The following ASCL4 variants were observed in gnomAD, a reference collection of about 807,000 sequenced individuals.
ASCL4 encodes the protein achaete-scute family bHLH transcription factor 4.
Under a neutral mutation model 0.3 loss-of-function variants are expected in ASCL4, and 1 was observed. The observed-to-expected ratio is 3.35, with a 90% CI of 1.19 to 15.89. ASCL4 has a LOEUF of 15.89. ASCL4 is among the 30% of genes most tolerant of loss of function. ASCL4 has a pLI of 0.12. For synonymous variants in ASCL4, 137 were observed against 119.5 expected (o/e 1.15, Z -0.96); for missense variants, 330 against 256.9 (o/e 1.28, Z -1.94).
chr12:107,775,296 C>A lies in ASCL4; in HGVS notation c.78C>A (p.Thr26=), dbSNP rs746224161. The change falls in exon 1 of 1, where the codon ACC becomes ACA. Residue 26 remains threonine (T), a synonymous_variant. Transcript: ENST00000342331. ...LRTAPLGVPG[T]LPGLPRRDPL... is the part of the protein sequence containing the mutation. ...CCGCGCCCCTGGGCGTTCCGGGGAC[C>A]CTGCCCGGACTCCCGCGGAGGGACC... The A allele has an allele frequency of 6.2e-7, 1 of 1,611,932 alleles. No homozygotes were observed. Among genetic ancestry groups the A allele is most frequent in the Non-Finnish European group, 8.5e-7 (1 of 1,179,048 alleles).
In ASCL4 at chr12:107,775,456, C is replaced by T; in HGVS notation, c.238C>T (p.Arg80Cys). The T allele has an allele frequency of 6.4e-7, 1 of 1,565,678 alleles. No homozygotes were observed. Among genetic ancestry groups the T allele is most frequent in the Non-Finnish European group, 8.6e-7 (1 of 1,163,836 alleles). The change falls in exon 1 of 1, where the codon CGC (arginine) becomes TGC (cysteine). Residue 80 changes from arginine (R) to cysteine (C), a missense_variant. By Grantham distance (180) the Arg-to-Cys change is radical. Transcript: ENST00000342331. Reference protein sequence around the residue: ...EPAFLRKRNERERQRVRCVNE... With the variant: ...EPAFLRKRNECERQRVRCVNE... ...CGCCTTCCTCCGCAAGCGCAACGAG[C>T]GCGAGCGGCAGCGGGTGCGCTGCGT...
rs1295076661 is a variant in ASCL4 at position 107,774,826 on chromosome 12, T to C, written c.-393T>C. 3 of 187,556 alleles carry C rather than the reference T, an allele frequency of 1.6e-5. No individual in the cohort carries two copies. The highest frequency in any genetic ancestry group is 3.3e-5 in the Non-Finnish European group (3 of 91,688). The allele number at this position is 187,556 out of a possible 1,614,324, so 11.6% of individuals were successfully genotyped here. On this transcript the variant is annotated 5_prime_UTR_variant, in exon 1 of 1. Transcript: ENST00000342331. ...GACCTAGAGTGGTGGATTACAGGCA[T>C]TGAAAAGCTTTTGGTGGCTTTGGAA...
In ASCL4 at chr12:107,775,086, C is replaced by T. The variant is rs1891435515; in HGVS notation, c.-133C>T. The T allele has an allele frequency of 1.6e-6, 2 of 1,224,552 alleles. No individual in the cohort carries two copies. The highest frequency in any genetic ancestry group is 2.3e-6 in the Non-Finnish European group (2 of 875,948). 75.9% of individuals were successfully genotyped at this position (1,224,552 alleles called of 1,614,324 possible). On this transcript the variant is annotated 5_prime_UTR_variant, in exon 1 of 1. Coordinates refer to ENST00000342331, the MANE Select transcript of ASCL4 (RefSeq NM_203436.3). Reference sequence around the variant, plus strand: ...CTGTCCAGGAACCTAACTTCTGGACCCAGAAACTTCTGCAAAGACAGACCC... The same window carrying T: ...CTGTCCAGGAACCTAACTTCTGGACTCAGAAACTTCTGCAAAGACAGACCC...
chr12:107,775,729 G>T lies in ASCL4; in HGVS notation c.511G>T (p.Gly171Cys), dbSNP rs768267338. 1 of 1,440,062 alleles carries T rather than the reference G, an allele frequency of 6.9e-7. No homozygotes were observed. The highest frequency in any genetic ancestry group is 9.0e-7 in the Non-Finnish European group (1 of 1,106,050). The allele number at this position is 1,440,062 out of a possible 1,614,324, so 89.2% of individuals were successfully genotyped here. A position where few individuals can be genotyped will look rare whatever the true frequency, so the allele number is the denominator to read the frequency against. The change falls in exon 1 of 1, where the codon GGC becomes TGC. Residue 171 changes from glycine to cysteine, a missense_variant. By Grantham distance (159) the Gly-to-Cys change is radical. Coordinates refer to ENST00000342331, the MANE Select transcript of ASCL4 (RefSeq NM_203436.3). ...GCCCAGCAGCGAGCCCGAGGAGGGG[G>T]GCAGCTAGCGAGCGCCCGAACTGGC... ...PSPSSEPEEG[G>C]S
At position 107,775,699 on chromosome 12, in the gene ASCL4, C is replaced by T. The variant is rs1327024761; in HGVS notation, c.481C>T (p.Pro161Ser). The T allele has an allele frequency of 6.8e-7, 1 of 1,466,226 alleles. No homozygotes were observed. Among genetic ancestry groups the T allele is most frequent in the Non-Finnish European group, 8.9e-7 (1 of 1,119,016 alleles). 90.8% of individuals were successfully genotyped at this position (1,466,226 alleles called of 1,614,324 possible). ...CGGGGAGTCCAAGGCCTCTTCGGCG[C>T]CTTCGCCCAGCAGCGAGCCCGAGGA... ...SDGESKASSA[P>S]SPSSEPEEGG... The change falls in exon 1 of 1, where the codon CCT becomes TCT. Residue 161 changes from proline to serine, a missense_variant. Physicochemically the swap from Pro to Ser is moderately conservative, Grantham distance 74. Coordinates refer to ENST00000342331, the MANE Select transcript of ASCL4 (RefSeq NM_203436.3).
rs925288686 is a variant in ASCL4 at position 107,775,791 on chromosome 12, GC to G, written c.*55del. On this transcript the variant is annotated 3_prime_UTR_variant, in exon 1 of 1. Coordinates refer to ENST00000342331, the MANE Select transcript of ASCL4 (RefSeq NM_203436.3). ...CGCCCGCCGCACAGCGCGCAGCCGG[GC>G]GCTCAACCTAAGGTCCTCTTCGAAG... is the stretch of plus-strand genomic sequence containing the variant. 87 of 1,379,762 alleles carry G rather than the reference GC, an allele frequency of 6.3e-5. No homozygotes were observed. In the African/African-American group the frequency reaches 1.2e-3, roughly 19 times the overall value. The allele number at this position is 1,379,762 out of a possible 1,614,324, so 85.5% of individuals were successfully genotyped here.
Position 107,775,116 on chromosome 12 carries a change from A to G in ASCL4, c.-103A>G. Reference sequence around the variant, plus strand: ...AACTTCTGCAAAGACAGACCCACTGAGCCAGGCAGTCTGCACCAGCACCTC... The same window carrying G: ...AACTTCTGCAAAGACAGACCCACTGGGCCAGGCAGTCTGCACCAGCACCTC... On this transcript the variant is annotated 5_prime_UTR_variant, in exon 1 of 1. Coordinates refer to ENST00000342331, the MANE Select transcript of ASCL4 (RefSeq NM_203436.3). 2 of 1,471,292 alleles carry G rather than the reference A, an allele frequency of 1.4e-6. No homozygotes were observed. The allele number at this position is 1,471,292 out of a possible 1,614,324, so 91.1% of individuals were successfully genotyped here.
chr12:107,775,624 G>A lies in ASCL4; in HGVS notation c.406G>A (p.Glu136Lys), dbSNP rs777244439. The A allele has an allele frequency of 6.4e-7, 1 of 1,564,350 alleles. No individual in the cohort carries two copies. The highest frequency in any genetic ancestry group is 8.6e-7 in the Non-Finnish European group (1 of 1,164,394). The change falls in exon 1 of 1, where the codon GAG becomes AAG. Residue 136 changes from glutamate to lysine, a missense_variant. Transcript: ENST00000342331. ...ELLERQAWGLEGAAGAVPQRR... is the reference protein window; with the variant it reads ...ELLERQAWGLKGAAGAVPQRR... ...GCTGGAGCGCCAGGCCTGGGGGCTC[G>A]AGGGCGCGGCCGGCGCCGTCCCCCA...
Position 107,775,522 on chromosome 12 carries a change from G to C in ASCL4, c.304G>C (p.Glu102Gln). Residue 102 changes from glutamate to glutamine, a missense_variant, in exon 1 of 1, where the codon GAG becomes CAG. By Grantham distance (29) the Glu-to-Gln change is conservative. Coordinates refer to ENST00000342331, the MANE Select transcript of ASCL4 (RefSeq NM_203436.3). The part of the protein sequence containing the change: ...YARLRDHLPR[E>Q]LADKRLSKVE... ...GCGCCTCCGAGACCACCTGCCCCGG[G>C]AGCTGGCAGACAAGCGCCTCAGCAA... 1 of 1,572,818 alleles carries C rather than the reference G, an allele frequency of 6.4e-7. No homozygotes were observed. Among genetic ancestry groups the C allele is most frequent in the Non-Finnish European group, 8.6e-7 (1 of 1,167,896 alleles).
In ASCL4 at chr12:107,775,149, A is replaced by C; in HGVS notation, c.-70A>C. ...AGTCTGCACCAGCACCTCTGCTTCT[A>C]AGATTCTGTTTCGTCTTCTTCTATT... On this transcript the variant is annotated 5_prime_UTR_variant, in exon 1 of 1. Coordinates refer to ENST00000342331, the MANE Select transcript of ASCL4 (RefSeq NM_203436.3). 4.5e-6 allele frequency: 7 copies of C among 1,556,356 alleles called. No individual in the cohort carries two copies. The highest frequency in any genetic ancestry group is 6.1e-6 in the Non-Finnish European group (7 of 1,146,068).
rs1317730489 is a variant in ASCL4 at position 107,775,371 on chromosome 12, C to T, written c.153C>T (p.Arg51=). The change falls in exon 1 of 1, where the codon CGC becomes CGT. Residue 51 remains arginine, a synonymous_variant. Coordinates refer to ENST00000342331, the MANE Select transcript of ASCL4 (RefSeq NM_203436.3). ...ACGCCGCGTGCTGGGAGTGGGCGCG[C>T]AGCGGCTGCGCACGGGGATGGCAGT... ...RLDAACWEWA[R]SGCARGWQYL... The T allele has an allele frequency of 6.2e-7, 1 of 1,603,828 alleles. No individual in the cohort carries two copies. Among genetic ancestry groups the T allele is most frequent in the African/African-American group, 1.3e-5 (1 of 74,458 alleles).
At position 107,775,409 on chromosome 12, in the gene ASCL4, C is replaced by T; in HGVS notation, c.191C>T (p.Pro64Leu). The change falls in exon 1 of 1, where the codon CCG (proline) becomes CTG (leucine). Residue 64 changes from proline (P) to leucine (L), a missense_variant. By Grantham distance (98) the Pro-to-Leu change is moderately conservative (BLOSUM62 -3). Transcript: ENST00000342331. The stretch of plus-strand genomic sequence containing the variant: ...CGGGGATGGCAGTACTTGCCCGTGC[C>T]GCTGGACAGCGCCTTCGAGCCCGCC... ...CARGWQYLPV[P>L]LDSAFEPAFL... 6.3e-7 allele frequency: 1 copy of T among 1,583,960 alleles called. No homozygotes were observed. Among genetic ancestry groups the T allele is most frequent in the Non-Finnish European group, 8.5e-7 (1 of 1,169,676 alleles).
rs1565840217 is a variant in ASCL4 at position 107,775,342 on chromosome 12, C to G, written c.124C>G (p.Leu42Val). 1 of 1,608,904 alleles carries G rather than the reference C, an allele frequency of 6.2e-7. No individual in the cohort carries two copies. The highest frequency in any genetic ancestry group is 2.2e-5 in the East Asian group (1 of 44,654). Residue 42 changes from leucine to valine, a missense_variant, in exon 1 of 1, where the codon CTG (leucine) becomes GTG (valine). Coordinates refer to ENST00000342331, the MANE Select transcript of ASCL4 (RefSeq NM_203436.3). ...GGACCCCCTCAGGGTCGCCCTGCGT[C>G]TGGACGCCGCGTGCTGGGAGTGGGC... is the stretch of plus-strand genomic sequence containing the variant. The part of the protein sequence containing the change: ...RRDPLRVALR[L>V]DAACWEWARS...
Position 107,776,114 on chromosome 12 carries a change from A to G in ASCL4, c.*377A>G, listed in dbSNP as rs553101361. 2 of 196,560 alleles carry G rather than the reference A, an allele frequency of 1.0e-5. No individual in the cohort carries two copies. The highest frequency in any genetic ancestry group is 2.7e-4 in the East Asian group (2 of 7,400). 12.2% of individuals were successfully genotyped at this position (196,560 alleles called of 1,614,324 possible). ...CTTCCGTGGTGTGGGTAAATGGTAT[A>G]CATAAACATTAAACCTTAACCAAAG... is the stretch of plus-strand genomic sequence containing the variant. On this transcript the variant is annotated 3_prime_UTR_variant, in exon 1 of 1. Coordinates refer to ENST00000342331, the MANE Select transcript of ASCL4 (RefSeq NM_203436.3).
In ASCL4 at chr12:107,775,745, C is replaced by T. The variant is rs1343747312; in HGVS notation, c.*8C>T. 2 of 1,426,400 alleles carry T rather than the reference C, an allele frequency of 1.4e-6. No individual in the cohort carries two copies. The highest frequency in any genetic ancestry group is 1.5e-5 in the South Asian group (1 of 65,476). The allele number at this position is 1,426,400 out of a possible 1,614,324, so 88.4% of individuals were successfully genotyped here. ...GAGGAGGGGGGCAGCTAGCGAGCGC[C>T]CGAACTGGCCAGGACCCCCGCGCCC... On this transcript the variant is annotated 3_prime_UTR_variant, in exon 1 of 1. Transcript: ENST00000342331.
In ASCL4 at chr12:107,774,924, A is replaced by G; in HGVS notation, c.-295A>G. 1 of 429,508 alleles carries G rather than the reference A, an allele frequency of 2.3e-6. No homozygotes were observed. Among genetic ancestry groups the G allele is most frequent in the Non-Finnish European group, 4.1e-6 (1 of 243,578 alleles). 26.6% of individuals were successfully genotyped at this position (429,508 alleles called of 1,614,324 possible). ...AGGAACCCCCTTTGTTATCTTCTGAAAGAAGATCAGTGGGGAAGACGGGGT... is the reference window on the plus strand; with the variant it reads ...AGGAACCCCCTTTGTTATCTTCTGAGAGAAGATCAGTGGGGAAGACGGGGT... On this transcript the variant is annotated 5_prime_UTR_variant, in exon 1 of 1. Coordinates refer to ENST00000342331, the MANE Select transcript of ASCL4 (RefSeq NM_203436.3).
chr12:107,775,629 C>T lies in ASCL4; in HGVS notation c.411C>T (p.Gly137=), dbSNP rs926836392. The T allele has an allele frequency of 1.6e-5, 25 of 1,558,616 alleles. No individual in the cohort carries two copies. The highest frequency in any genetic ancestry group is 2.0e-5 in the Non-Finnish European group (23 of 1,161,798). The change falls in exon 1 of 1, where the codon GGC becomes GGT. Residue 137 remains glycine, a synonymous_variant. Transcript: ENST00000342331. ...LLERQAWGLE[G]AAGAVPQRRA... The stretch of plus-strand genomic sequence containing the variant: ...AGCGCCAGGCCTGGGGGCTCGAGGG[C>T]GCGGCCGGCGCCGTCCCCCAGCGCA...
chr12:107,775,945 TA>T lies in ASCL4; in HGVS notation c.*209del. The T allele has an allele frequency of 2.0e-6, 1 of 506,160 alleles. No individual in the cohort carries two copies. The highest frequency in any genetic ancestry group is 3.3e-6 in the Non-Finnish European group (1 of 306,760). 31.4% of individuals were successfully genotyped at this position (506,160 alleles called of 1,614,324 possible). A position where few individuals can be genotyped will look rare whatever the true frequency, so the allele number is the denominator to read the frequency against. On this transcript the variant is annotated 3_prime_UTR_variant, in exon 1 of 1. Transcript: ENST00000342331. Reference sequence around the variant, plus strand: ...GAATTTCTCCCCTGCCCTTATTGGTTACGTGCCTGCAACTTATAGGTGCTTA... The same window carrying T: ...GAATTTCTCCCCTGCCCTTATTGGTTCGTGCCTGCAACTTATAGGTGCTTA...
rs1349259709 is a variant in ASCL4 at position 107,776,331 on chromosome 12, G to A, written c.*594G>A. ...TACTTGAGAACGAATTTGCCAGCAT[G>A]TGCTGTTGTTGACTGTGTGAATGAT... On this transcript the variant is annotated 3_prime_UTR_variant, in exon 1 of 1. Transcript: ENST00000342331. 1 of 167,174 alleles carries A rather than the reference G, an allele frequency of 6.0e-6. No homozygotes were observed. The highest frequency in any genetic ancestry group is 2.4e-5 in the African/African-American group (1 of 41,472). 10.4% of individuals were successfully genotyped at this position (167,174 alleles called of 1,614,324 possible).
Sources: allele counts gnomAD v4.1 joint callset, GRCh38; gene constraint gnomAD v4.1.1; transcripts MANE v1.5; gene names NCBI Gene and HGNC (gene_info 2026-07-23, HGNC 2026-07-21).